The following WDR70 variants were observed in gnomAD, a reference collection of about 807,000 sequenced individuals.
WDR70 encodes the protein WD repeat-containing protein 70.
In WDR70, 53 loss-of-function variants were observed where a neutral mutation model predicts 88.6. The ratio of observed to expected loss-of-function variants is 0.60; its 90% CI spans 0.48 to 0.75. The LOEUF (loss-of-function observed/expected upper bound fraction) is 0.75. WDR70 is among the 30% of genes least tolerant of loss of function. The pLI, the probability that WDR70 is intolerant of heterozygous loss-of-function variation, is 0.00. For missense variants in WDR70, 610 were observed against 823.2 expected (o/e 0.74, Z 3.17); for synonymous variants, 280 against 270.0 (o/e 1.04, Z -0.36).
intron 9 of WDR70, among the ~76,000 whole-genome samples, chr5:37,542,834 C>A (rs1741869173): frequency 6.6e-6 from 1 of 152,146 alleles, no homozygotes; most frequent in Non-Finnish European, 1.5e-5. Flanking sequence ...TCATTAATTG[C>A]AAATATGACC....
chr5:37,408,019 TAATG>T (rs1749405958), intron 5 of WDR70, among the ~76,000 whole-genome samples: 1 of 152,134 alleles, frequency 6.6e-6, no homozygotes, highest in Admixed American at 6.6e-5. Context: ...TCCCTCACAT[TAATG>T]AATAAGGAGT....
At chr5:37,449,798 T>C (rs1477712455) in intron 7 of WDR70, among the ~76,000 whole-genome samples, 2 of 152,080 alleles carry the variant, frequency 1.3e-5, no homozygotes, top group East Asian at 3.8e-4. Flanking sequence ...GTGCAGAACG[T>C]GCAGGTTTGT....
At position 37,603,884 on chromosome 5, in the gene WDR70, C is replaced by A. The variant is rs138367347; in HGVS notation, c.918-1180C>A. 7.7e-4 allele frequency among the ~76,000 whole-genome samples: 117 copies of A among 152,282 alleles called. 1 individual carries two copies. The highest frequency in any genetic ancestry group is 2.7e-3 in the African/African-American group (112 of 41,570). On this transcript the variant is annotated intron_variant, in intron 9 of 17. Coordinates refer to ENST00000265107, the MANE Select transcript of WDR70 (RefSeq NM_018034.4). ...TATCAAATTCTCTCATCAAATAATA[C>A]TGTGCTATTTCAAATATAGTATAAA... is the stretch of plus-strand genomic sequence containing the variant.
intron 7 of WDR70, among the ~76,000 whole-genome samples, chr5:37,473,834 A>G (rs1041638043): frequency 2.6e-5 from 4 of 152,098 alleles, no homozygotes; most frequent in African/African-American, 9.7e-5. Context: ...TCCATCTGCT[A>G]TATTTTGTTT....
chr5:37,658,387 G>A (rs914889476), intron 10 of WDR70, among the ~76,000 whole-genome samples: 1 of 152,108 alleles, frequency 6.6e-6, no homozygotes, highest in Non-Finnish European at 1.5e-5. Flanking sequence ...CTGAGAAACA[G>A]CAGCATGAGT....
intron 9 of WDR70, among the ~76,000 whole-genome samples, chr5:37,593,278 C>T (rs10038414): frequency 0.11 from 16,817 of 152,074 alleles, 3,000 homozygotes; most frequent in African/African-American, 0.38. Context: ...ATTTACATTA[C>T]GTATTTCTCC....
At chr5:37,406,855 A>T (rs915430889) in intron 5 of WDR70, among the ~76,000 whole-genome samples, 25 of 152,342 alleles carry the variant, frequency 1.6e-4, no homozygotes, top group African/African-American at 6.0e-4. Flanking sequence ...TAACAATCAT[A>T]TTATTATTTA....
intron 9 of WDR70, among the ~76,000 whole-genome samples, chr5:37,568,400 T>G (rs543340211): frequency 7.2e-5 from 11 of 152,208 alleles, no homozygotes; most frequent in Non-Finnish European, 1.5e-4. Context: ...ATTGAATCCT[T>G]TCACCAGTAA....
intron 9 of WDR70, among the ~76,000 whole-genome samples, chr5:37,601,893 A>T (rs1396539906): frequency 6.6e-6 from 1 of 152,210 alleles, no homozygotes; most frequent in Non-Finnish European, 1.5e-5. Flanking sequence ...GCAGCCATAA[A>T]AAAGGATGAA....
chr5:37,667,325 C>A (rs570976396), intron 10 of WDR70, among the ~76,000 whole-genome samples: 19 of 152,132 alleles, frequency 1.2e-4, no homozygotes, highest in Non-Finnish European at 2.5e-4. Context: ...ATTACACATA[C>A]CCCAGGAGGC....
intron 10 of WDR70, among the ~76,000 whole-genome samples, chr5:37,631,106 T>A (rs1336301347): frequency 6.6e-6 from 1 of 152,180 alleles, no homozygotes; most frequent in Non-Finnish European, 1.5e-5. Context: ...GGCTATGTGC[T>A]TCCATGCTGC....
chr5:37,432,577 T>TA (rs1447472546), intron 5 of WDR70, among the ~76,000 whole-genome samples: 1 of 148,856 alleles, frequency 6.7e-6, no homozygotes, highest in African/African-American at 2.6e-5. Context: ...TTTTTTTTTT[T>TA]ACTAGAGATG....
At chr5:37,534,470 GT>G (rs776992111) in intron 9 of WDR70, among the ~76,000 whole-genome samples, 22 of 143,310 alleles carry the variant, frequency 1.5e-4, no homozygotes, top group African/African-American at 4.9e-4. Flanking sequence ...ATGCATATCA[GT>G]TTTTCCCCCC....
chr5:37,662,502 G>C (rs1397852456), intron 10 of WDR70, among the ~76,000 whole-genome samples: 1 of 152,128 alleles, frequency 6.6e-6, no homozygotes, highest in Non-Finnish European at 1.5e-5. Flanking sequence ...TGTATTTAAT[G>C]ATTTACTAAT....
At chr5:37,592,438 A>G (rs1743559095) in intron 9 of WDR70, among the ~76,000 whole-genome samples, 1 of 57,472 alleles carries the variant, frequency 1.7e-5, no homozygotes, top group South Asian at 4.8e-4. Context: ...ACTGAAAAAT[A>G]TGACATATTA....
At chr5:37,520,682 A>T (rs1741057741) in intron 9 of WDR70, among the ~76,000 whole-genome samples, 1 of 152,214 alleles carries the variant, frequency 6.6e-6, no homozygotes, top group Non-Finnish European at 1.5e-5. Context: ...GGTTAAAATC[A>T]TGTGATTTTA....
intron 10 of WDR70, among the ~76,000 whole-genome samples, chr5:37,652,214 G>C (rs554726942): frequency 6.2e-4 from 94 of 152,264 alleles, no homozygotes; most frequent in Middle Eastern, 6.8e-3. Context: ...CCCATTGCTT[G>C]TTTCTGTCAG....
At position 37,706,716 on chromosome 5, in the gene WDR70, T is replaced by TACACACACACAC. The variant is rs58482881; in HGVS notation, c.1416+3640_1416+3651dup. Reference sequence around the variant, plus strand: ...TATTAGCAGTGTGAGAACAGAGTAATACACACACACACACACACACACGCA... The same window carrying TACACACACACAC: ...TATTAGCAGTGTGAGAACAGAGTAATACACACACACACACACACACACACACACACACACGCA... On this transcript the variant is annotated intron_variant, in intron 13 of 17. Transcript: ENST00000265107. Among the ~76,000 whole-genome samples, 770 of 149,892 alleles carry TACACACACACAC rather than the reference T, an allele frequency of 5.1e-3. 5 individuals are homozygous for TACACACACACAC. The highest frequency in any genetic ancestry group is 0.018 in the African/African-American group (716 of 40,728).
chr5:37,746,849 G>A (rs1748650923), intron 17 of WDR70, among the ~76,000 whole-genome samples: 1 of 152,144 alleles, frequency 6.6e-6, no homozygotes, highest in East Asian at 1.9e-4. Context: ...ACAAAGAGAA[G>A]CTGGTACCAT....
Sources: allele counts gnomAD v4.1 joint callset (sites outside exome capture counted in the v4.1 genomes callset), GRCh38; gene constraint gnomAD v4.1.1; transcripts MANE v1.5; gene names NCBI Gene and HGNC (gene_info 2026-07-23, HGNC 2026-07-21).